SLC25A21: variants seen among roughly 807,000 people sequenced by gnomAD.
The protein encoded by SLC25A21 is mitochondrial 2-oxodicarboxylate carrier.
Under a neutral mutation model 43.8 loss-of-function variants are expected in SLC25A21, and 47 were observed. That is an observed-to-expected ratio of 1.07 (90% CI 0.85 to 1.37). The LOEUF (loss-of-function observed/expected upper bound fraction) is 1.37, where lower values mean the gene tolerates loss of function less well. Ranked by LOEUF, SLC25A21 falls within the 40% of genes most tolerant of loss-of-function variation. The probability of loss-of-function intolerance (pLI) is 0.00; values close to 1 mark genes in which losing one functional copy is unlikely to be tolerated. For synonymous variants in SLC25A21, 131 were observed against 121.3 expected, an observed-to-expected ratio of 1.08 and a Z score of -0.52; for missense variants, 352 against 350.2, an observed-to-expected ratio of 1.00 and a Z score of -0.04.
intron 1 of SLC25A21, among the ~76,000 whole-genome samples, chr14:37,016,040 A>C (rs1462730522): frequency 6.6e-6 from 1 of 151,806 alleles, no homozygotes; most frequent in Non-Finnish European, 1.5e-5. Flanking sequence ...GAAGCTCTTT[A>C]GTTTAATTAG....
intron 1 of SLC25A21, among the ~76,000 whole-genome samples, chr14:37,092,199 T>C (rs999989098): frequency 1.3e-5 from 2 of 152,230 alleles, no homozygotes; most frequent in South Asian, 2.1e-4. Flanking sequence ...AACTATAAAG[T>C]AGGGAGCCAC....
intron 1 of SLC25A21, among the ~76,000 whole-genome samples, chr14:36,895,381 G>A (rs183388878): frequency 3.6e-4 from 55 of 152,216 alleles, no homozygotes; most frequent in Non-Finnish European, 7.2e-4. Flanking sequence ...GGGATCAGTG[G>A]TGATATCCCC....
chr14:37,016,989 T>G (rs1030619300), intron 1 of SLC25A21, among the ~76,000 whole-genome samples: 7 of 152,130 alleles, frequency 4.6e-5, no homozygotes, highest in Admixed American at 2.0e-4. Context: ...ATGGCTCGTT[T>G]GATCTTCTAT....
chr14:36,974,737 A>G (rs1302970155), intron 1 of SLC25A21, among the ~76,000 whole-genome samples: 1 of 151,956 alleles, frequency 6.6e-6, no homozygotes, highest in African/African-American at 2.4e-5. Flanking sequence ...TATGTCAAGT[A>G]AAACACAAGA....
At chr14:36,990,266 T>C (rs1200907992) in intron 1 of SLC25A21, among the ~76,000 whole-genome samples, 2 of 152,196 alleles carry the variant, frequency 1.3e-5, no homozygotes, top group African/African-American at 4.8e-5. Context: ...AGCAAAGCCC[T>C]GTCAAGCTAT....
intron 6 of SLC25A21, among the ~76,000 whole-genome samples, chr14:36,722,824 A>T (rs1389176808): frequency 6.6e-6 from 1 of 152,166 alleles, no homozygotes; most frequent in Admixed American, 6.5e-5. Context: ...CATTACTTTT[A>T]TGCTTGGATT....
chr14:36,798,906 G>GAGAGAA (rs1214083705), intron 3 of SLC25A21, among the ~76,000 whole-genome samples: 3 of 151,814 alleles, frequency 2.0e-5, no homozygotes, highest in Non-Finnish European at 4.4e-5. Flanking sequence ...GAGAGAAAGA[G>GAGAGAA]AGAGAGAGAG....
Position 37,170,553 on chromosome 14 carries a change from G to A in SLC25A21, c.70+1728C>T, listed in dbSNP as rs140428719. On this transcript the variant is annotated intron_variant, in intron 1 of 9. Transcript: ENST00000331299. ...CAGAAGACAGAACCTTAGGCATTGC[G>A]GAATTTGACCAAAAATGGTAAATAA... 4.5e-3 allele frequency among the ~76,000 whole-genome samples: 687 copies of A among 152,100 alleles called. 5 individuals are homozygous for A. The highest frequency in any genetic ancestry group is 0.015 in the African/African-American group (634 of 41,464).
chr14:36,811,476 C>T (rs1888264445), intron 3 of SLC25A21, among the ~76,000 whole-genome samples: 1 of 151,990 alleles, frequency 6.6e-6, no homozygotes, highest in Non-Finnish European at 1.5e-5. Context: ...CACGGTGAGG[C>T]CCCGTCTCTA....
Position 36,680,626 on chromosome 14 carries a change from T to TATC in SLC25A21, c.*29_*31dup. The TATC allele has an allele frequency of 6.2e-7, 1 of 1,609,260 alleles. No individual in the cohort carries two copies. Among genetic ancestry groups the TATC allele is most frequent in the Non-Finnish European group, 8.5e-7 (1 of 1,177,812 alleles). On this transcript the variant is annotated 3_prime_UTR_variant, in exon 10 of 10. Coordinates refer to ENST00000331299, the MANE Select transcript of SLC25A21 (RefSeq NM_030631.4). ...ATGGTGCTGCATAGCAAATATCCAT[T>TATC]ATCTCAAGGGGGAAAAACACTTCAT...
At chr14:36,760,867 A>C (rs1230396392) in intron 3 of SLC25A21, among the ~76,000 whole-genome samples, 2 of 152,098 alleles carry the variant, frequency 1.3e-5, no homozygotes, top group African/African-American at 4.8e-5. Flanking sequence ...AGAAAAGGTG[A>C]TCACAAGAAA....
chr14:37,021,930 T>C (rs568491905), intron 1 of SLC25A21, among the ~76,000 whole-genome samples: 2 of 152,004 alleles, frequency 1.3e-5, no homozygotes, highest in South Asian at 2.1e-4. Context: ...ACTGTACTAA[T>C]GCCTCCTTGG....
At chr14:36,851,537 A>G (rs1465026664) in intron 2 of SLC25A21, among the ~76,000 whole-genome samples, 1 of 152,238 alleles carries the variant, frequency 6.6e-6, no homozygotes, top group African/African-American at 2.4e-5. Flanking sequence ...TTTTATGAAT[A>G]ACATAATATG....
chr14:36,881,370 CAT>C lies in SLC25A21; in HGVS notation c.71-6368_71-6367del, dbSNP rs530822684. On this transcript the variant is annotated intron_variant, in intron 1 of 9. Coordinates refer to ENST00000331299, the MANE Select transcript of SLC25A21 (RefSeq NM_030631.4). ...AAATGTGTGTGTGTGTGTGTGTACA[CAT>C]GAGGAAGTAGTTCTTAAAACTGTCA... is the stretch of plus-strand genomic sequence containing the variant. 5.0e-3 allele frequency among the ~76,000 whole-genome samples: 762 copies of C among 151,364 alleles called. 10 individuals are homozygous for C. Among genetic ancestry groups the C allele is most frequent in the African/African-American group, 0.018 (734 of 41,300 alleles).
chr14:36,839,648 C>A (rs1270598047), intron 2 of SLC25A21, among the ~76,000 whole-genome samples: 1 of 152,132 alleles, frequency 6.6e-6, no homozygotes, highest in Non-Finnish European at 1.5e-5. Flanking sequence ...GAGATCAAGG[C>A]TTATCTGCAG....
chr14:36,972,141 T>C (rs1959765446), intron 1 of SLC25A21, among the ~76,000 whole-genome samples: 1 of 152,322 alleles, frequency 6.6e-6, no homozygotes, highest in East Asian at 1.9e-4. Context: ...GTGTTACAGT[T>C]GCCTACAGTA....
At chr14:37,011,115 C>G (rs2077458) in intron 1 of SLC25A21, among the ~76,000 whole-genome samples, 69,830 of 151,980 alleles carry the variant, frequency 0.46, 19,091 homozygotes, top group African/African-American at 0.78. Flanking sequence ...TCAAACTCCT[C>G]ACCTCAAGTG....
chr14:37,076,511 C>G (rs1485277997), intron 1 of SLC25A21, among the ~76,000 whole-genome samples: 1 of 151,546 alleles, frequency 6.6e-6, no homozygotes, highest in Non-Finnish European at 1.5e-5. Flanking sequence ...GTTTTTGAGG[C>G]AGAGTCTTGC....
rs959751333 is a variant in SLC25A21, at chr14:36,775,177, T to C, written c.203+38741A>G. Among the ~76,000 whole-genome samples the C allele has an allele frequency of 5.9e-5, 9 of 152,312 alleles. No individual in the cohort carries two copies. The East Asian group carries it at 1.2e-3, about 20-fold the overall frequency. On this transcript the variant is annotated intron_variant, in intron 3 of 9. Coordinates refer to ENST00000331299, the MANE Select transcript of SLC25A21 (RefSeq NM_030631.4). ...ACTGTTTGAGTAGAACTTAGTCCCA[T>C]AGGACTTATAAAAAGAAGTATGTTC...
Sources: allele counts gnomAD v4.1 joint callset (sites outside exome capture counted in the v4.1 genomes callset), GRCh38; gene constraint gnomAD v4.1.1; transcripts MANE v1.5; gene names NCBI Gene and HGNC (gene_info 2026-07-23, HGNC 2026-07-21).